The following GTF2E1 variants were observed in gnomAD, a reference collection of about 807,000 sequenced individuals.
The protein encoded by GTF2E1 is TFIIE alpha subunit.
A neutral mutation model predicts 34.9 loss-of-function variants in GTF2E1; 14 were observed. The ratio of observed to expected loss-of-function variants is 0.40; its 90% CI spans 0.27 to 0.63. The LOEUF (loss-of-function observed/expected upper bound fraction) is 0.63. Among genes scored for constraint, GTF2E1 ranks in the 20% least tolerant of loss-of-function variants. The probability of loss-of-function intolerance (pLI) is 0.39; values close to 1 mark genes in which losing one functional copy is unlikely to be tolerated. For synonymous variants in GTF2E1, 188 were observed against 192.9 expected (o/e 0.97, Z 0.21); for missense variants, 469 against 557.7 (o/e 0.84, Z 1.60).
At chr3:120,774,888 T>G (rs1452445895) in intron 3 of GTF2E1, among the ~76,000 whole-genome samples, 1 of 152,100 alleles carries the variant, frequency 6.6e-6, no homozygotes, top group African/African-American at 2.4e-5. Flanking sequence ...AAGGCATGGA[T>G]TAAATGACTG....
At chr3:120,749,371 TATG>T (rs1559829281) in intron 1 of GTF2E1, among the ~76,000 whole-genome samples, 1 of 152,218 alleles carries the variant, frequency 6.6e-6, no homozygotes, top group African/African-American at 2.4e-5. Context: ...GCCCATTCAG[TATG>T]ATATTGGCTG....
intron 2 of GTF2E1, among the ~76,000 whole-genome samples, chr3:120,753,635 A>T (rs974007640): frequency 1.3e-5 from 2 of 152,092 alleles, no homozygotes; most frequent in African/African-American, 4.8e-5. Context: ...AAGGGTAGTA[A>T]CTCCTAGATG....
At chr3:120,765,030 A>T (rs1156778056) in intron 2 of GTF2E1, among the ~76,000 whole-genome samples, 5 of 81,318 alleles carry the variant, frequency 6.1e-5, no homozygotes, top group African/African-American at 9.4e-5. Context: ...CCTTCCCCCC[A>T]CCCTCCCCAT....
chr3:120,743,936 C>T (rs1709081505), intron 1 of GTF2E1, among the ~76,000 whole-genome samples: 1 of 152,076 alleles, frequency 6.6e-6, no homozygotes, highest in Non-Finnish European at 1.5e-5. Context: ...TGGGTCTGGG[C>T]TGGGGTAGGG....
At chr3:120,742,903 C>G (rs1709068890) in intron 1 of GTF2E1, 109 bp downstream of exon 1, 1 of 249,812 alleles carries the variant, frequency 4.0e-6, no homozygotes, top group African/African-American at 2.3e-5. Context: ...AATGAATTAC[C>G]CTGTTGCCTT....
At position 120,778,811 on chromosome 3, in the gene GTF2E1, A is replaced by G. The variant is rs541411563; in HGVS notation, c.892+2147A>G. ...CTTTTTAGGTTCTTCTGTGCCTTGA[A>G]TCCAATAGCTTGGATCATATCTTTC... On this transcript the variant is annotated intron_variant, in intron 4 of 4. Coordinates refer to ENST00000283875, the MANE Select transcript of GTF2E1 (RefSeq NM_005513.3). 5.9e-5 allele frequency among the ~76,000 whole-genome samples: 9 copies of G among 152,340 alleles called. No individual in the cohort carries two copies. In the East Asian group the frequency reaches 1.3e-3, roughly 23 times the overall value.
At chr3:120,757,167 T>C (rs1194266929) in intron 2 of GTF2E1, among the ~76,000 whole-genome samples, 1 of 152,186 alleles carries the variant, frequency 6.6e-6, no homozygotes, top group East Asian at 1.9e-4. Context: ...AAAGCTTTAA[T>C]ATTCATCCAT....
Position 120,744,784 on chromosome 3 carries a change from A to G in GTF2E1, c.-31+1990A>G, listed in dbSNP as rs552957579. On this transcript the variant is annotated intron_variant, in intron 1 of 4. Transcript: ENST00000283875. ...TGAGTCCGTTCCTCATATTGGTATA[A>G]GAGTCATTTTTCTAAATAGGGGATT... Among the ~76,000 whole-genome samples the G allele has an allele frequency of 1.1e-4, 16 of 152,302 alleles. No individual in the cohort carries two copies. In the South Asian group the frequency reaches 1.4e-3, roughly 14 times the overall value.
At chr3:120,780,968 A>C (rs1490747257) in intron 4 of GTF2E1, 75 bp from the exon 5 acceptor site, 1 of 929,746 alleles carries the variant, frequency 1.1e-6, no homozygotes, top group East Asian at 2.7e-5. Context: ...AATATATGTT[A>C]AAATATTGTC....
intron 2 of GTF2E1, among the ~76,000 whole-genome samples, chr3:120,769,241 A>T (rs7620570): frequency 6.6e-6 from 1 of 151,522 alleles, no homozygotes; most frequent in African/African-American, 2.4e-5. Flanking sequence ...ACTTTGGTAT[A>T]ATAGTATTCT....
At chr3:120,765,738 A>G (rs1283073662) in intron 2 of GTF2E1, among the ~76,000 whole-genome samples, 3 of 152,216 alleles carry the variant, frequency 2.0e-5, no homozygotes, top group African/African-American at 7.2e-5. Context: ...ATGAATATAT[A>G]GGAATATTTG....
chr3:120,758,175 T>C (rs944251650), intron 2 of GTF2E1, among the ~76,000 whole-genome samples: 2 of 151,972 alleles, frequency 1.3e-5, no homozygotes, highest in Admixed American at 1.3e-4. Flanking sequence ...AAATAAGTAA[T>C]ATATGAATGA....
At chr3:120,778,763 A>T (rs925388775) in intron 4 of GTF2E1, among the ~76,000 whole-genome samples, 1 of 152,166 alleles carries the variant, frequency 6.6e-6, no homozygotes, top group Non-Finnish European at 1.5e-5. Flanking sequence ...AAGACCAAAA[A>T]CTTCTAGAAA....
At chr3:120,749,687 A>C (rs1709145501) in intron 1 of GTF2E1, 1 of 152,154 alleles carries the variant, frequency 6.6e-6, no homozygotes, top group Non-Finnish European at 1.5e-5. Context: ...TTTTGCATCA[A>C]TGTTCATCAA....
At chr3:120,764,483 G>A (rs1384875731) in intron 2 of GTF2E1, among the ~76,000 whole-genome samples, 1 of 152,116 alleles carries the variant, frequency 6.6e-6, no homozygotes, top group Non-Finnish European at 1.5e-5. Flanking sequence ...AAGCATTTGA[G>A]CTTATTTTGA....
At chr3:120,762,614 G>GT (rs1709273928) in intron 2 of GTF2E1, among the ~76,000 whole-genome samples, 2 of 152,232 alleles carry the variant, frequency 1.3e-5, no homozygotes, top group Admixed American at 1.3e-4. Flanking sequence ...TGCATAATCA[G>GT]TATGTTCAGT....
At chr3:120,743,218 T>C (rs1709072490) in intron 1 of GTF2E1, among the ~76,000 whole-genome samples, 1 of 152,260 alleles carries the variant, frequency 6.6e-6, no homozygotes, top group Non-Finnish European at 1.5e-5. Context: ...GTTCTAGAAC[T>C]GGAGTGGCGA....
chr3:120,765,251 A>T (rs990601711), intron 2 of GTF2E1, among the ~76,000 whole-genome samples: 2 of 152,060 alleles, frequency 1.3e-5, no homozygotes, highest in African/African-American at 4.8e-5. Context: ...ATACTACTGA[A>T]TATATGACCC....
chr3:120,761,160 G>A lies in GTF2E1; in HGVS notation c.449-9568G>A, dbSNP rs547667201. Among the ~76,000 whole-genome samples, 79 of 152,242 alleles carry A rather than the reference G, an allele frequency of 5.2e-4. 1 individual carries two copies. Among genetic ancestry groups the A allele is most frequent in the African/African-American group, 1.9e-3 (78 of 41,540 alleles). On this transcript the variant is annotated intron_variant, in intron 2 of 4. Coordinates refer to ENST00000283875, the MANE Select transcript of GTF2E1 (RefSeq NM_005513.3). ...GGTTTAGTCTTGGGAGGGTATATGT[G>A]TCCAGGAATTTATCCATTTCTTCTA...
Sources: allele counts gnomAD v4.1 joint callset (sites outside exome capture counted in the v4.1 genomes callset), GRCh38; gene constraint gnomAD v4.1.1; transcripts MANE v1.5; gene names NCBI Gene and HGNC (gene_info 2026-07-23, HGNC 2026-07-21).